Variants in GRAMD1B observed in about 807,000 individuals in gnomAD.
The protein encoded by GRAMD1B is protein Aster-B.
GRAMD1B carries 37 observed loss-of-function variants against 99.7 expected under a neutral mutation model. That is an observed-to-expected ratio of 0.37 (90% CI 0.29 to 0.49). The LOEUF is 0.49. GRAMD1B is among the 20% of genes least tolerant of loss of function. GRAMD1B has a pLI of 0.98. For synonymous variants in GRAMD1B, 427 were observed against 387.6 expected (o/e 1.10, Z -1.19); for missense variants, 888 against 1,009.2 (o/e 0.88, Z 1.63).
chr11:123,362,260 C>T (rs527687064), intron 1 of GRAMD1B, among the ~76,000 whole-genome samples: 1 of 152,208 alleles, frequency 6.6e-6, no homozygotes, highest in Non-Finnish European at 1.5e-5. Context: ...GTGTTGGTTT[C>T]ATCAGCCATT....
chr11:123,595,726 A>G (rs1951192733), intron 6 of GRAMD1B, among the ~76,000 whole-genome samples: 1 of 152,160 alleles, frequency 6.6e-6, no homozygotes, highest in South Asian at 2.1e-4. Context: ...GAATCAAGAT[A>G]CTCATGGCTG....
At chr11:123,445,922 C>T (rs1425088844) in intron 1 of GRAMD1B, among the ~76,000 whole-genome samples, 3 of 151,582 alleles carry the variant, frequency 2.0e-5, no homozygotes, top group Non-Finnish European at 4.4e-5. Flanking sequence ...GTTTTCAAGA[C>T]ATACTATTGG....
intron 1 of GRAMD1B, among the ~76,000 whole-genome samples, chr11:123,425,174 T>C (rs1948603374): frequency 6.6e-6 from 1 of 152,170 alleles, no homozygotes; most frequent in Non-Finnish European, 1.5e-5. Flanking sequence ...TGCTAGCAAG[T>C]GATGGAAACA....
intron 1 of GRAMD1B, among the ~76,000 whole-genome samples, chr11:123,397,013 T>C (rs1947487591): frequency 6.6e-6 from 1 of 151,970 alleles, no homozygotes. Context: ...GATTGATGAG[T>C]TTTGACAAAT....
chr11:123,568,346 A>G (rs1419153852), intron 2 of GRAMD1B, among the ~76,000 whole-genome samples: 1 of 152,228 alleles, frequency 6.6e-6, no homozygotes, highest in Non-Finnish European at 1.5e-5. Context: ...TCAGGCTTCC[A>G]TTTGTAAGGT....
chr11:123,533,039 G>A (rs547508554), intron 2 of GRAMD1B, among the ~76,000 whole-genome samples: 2 of 152,252 alleles, frequency 1.3e-5, no homozygotes, highest in South Asian at 2.1e-4. Context: ...GTGCGATCTC[G>A]GCTTATCACA....
At chr11:123,503,303 G>A (rs1940079226) in intron 2 of GRAMD1B, among the ~76,000 whole-genome samples, 1 of 152,166 alleles carries the variant, frequency 6.6e-6, no homozygotes, top group Admixed American at 6.5e-5. Context: ...GCTGCTGACT[G>A]GAAGTGGTGC....
chr11:123,565,319 A>G (rs952979833), intron 2 of GRAMD1B, among the ~76,000 whole-genome samples: 8 of 151,794 alleles, frequency 5.3e-5, no homozygotes, highest in Non-Finnish European at 1.2e-4. Context: ...GATTACAGGC[A>G]TGAGCCACTG....
chr11:123,503,253 T>C (rs1940073263), intron 2 of GRAMD1B, among the ~76,000 whole-genome samples: 1 of 152,174 alleles, frequency 6.6e-6, no homozygotes, highest in Non-Finnish European at 1.5e-5. Context: ...TTGAAGCACT[T>C]GAACAACTTT....
rs532091098 is a variant in GRAMD1B, at chr11:123,557,977, C to CTTTTT, written c.453-19370_453-19366dup. Among the ~76,000 whole-genome samples the CTTTTT allele has an allele frequency of 9.0e-4, 90 of 99,908 alleles. 2 individuals carry two copies. The highest frequency in any genetic ancestry group is 2.6e-3 in the African/African-American group (81 of 30,886). 65.5% of individuals were successfully genotyped at this position (99,908 alleles called of 152,430 possible). Reference sequence around the variant, plus strand: ...ATGGAGGAAAGGACATTCAGTGCAACTTTTTTTTTTTTTTTTTTTTTTTTA... The same window carrying CTTTTT: ...ATGGAGGAAAGGACATTCAGTGCAACTTTTTTTTTTTTTTTTTTTTTTTTTTTTTA... On this transcript the variant is annotated intron_variant, in intron 2 of 19. Transcript: ENST00000635736.
intron 6 of GRAMD1B, among the ~76,000 whole-genome samples, chr11:123,595,187 G>A (rs1352756247): frequency 6.6e-6 from 1 of 152,004 alleles, no homozygotes; most frequent in Non-Finnish European, 1.5e-5. Flanking sequence ...ACAATTTCTG[G>A]GTTCTGTAAC....
intron 1 of GRAMD1B, among the ~76,000 whole-genome samples, chr11:123,431,740 A>C (rs1948901886): frequency 6.6e-6 from 1 of 152,208 alleles, no homozygotes; most frequent in South Asian, 2.1e-4. Flanking sequence ...ATTTCCTACC[A>C]TATCAGAGTC....
intron 2 of GRAMD1B, among the ~76,000 whole-genome samples, chr11:123,519,850 G>A (rs1046287264): frequency 6.6e-6 from 1 of 152,246 alleles, no homozygotes; most frequent in Non-Finnish European, 1.5e-5. Flanking sequence ...CAGATGAGGA[G>A]GTGGGAGGCA....
intron 1 of GRAMD1B, among the ~76,000 whole-genome samples, chr11:123,436,019 T>G (rs964301906): frequency 6.9e-6 from 1 of 144,176 alleles, no homozygotes. Context: ...CTCGGCTCAC[T>G]GCAGCCTCTG....
intron 2 of GRAMD1B, chr11:123,560,389 A>G: frequency 8.5e-7 from 1 of 1,171,960 alleles, no homozygotes. Context: ...GAGGTGGGGG[A>G]GAGGGAAATA....
At chr11:123,385,813 G>T (rs1947035866) in intron 1 of GRAMD1B, among the ~76,000 whole-genome samples, 1 of 152,200 alleles carries the variant, frequency 6.6e-6, no homozygotes, top group African/African-American at 2.4e-5. Flanking sequence ...CATGGGATGA[G>T]TCCCATTGGT....
At chr11:123,502,682 C>T (rs1332007619) in intron 2 of GRAMD1B, among the ~76,000 whole-genome samples, 2 of 146,368 alleles carry the variant, frequency 1.4e-5, no homozygotes, top group African/African-American at 2.5e-5. Context: ...GGCTGAGGCA[C>T]GAGAATTGCT....
chr11:123,480,473 C>G (rs1325815176), intron 1 of GRAMD1B, among the ~76,000 whole-genome samples: 1 of 152,118 alleles, frequency 6.6e-6, no homozygotes, highest in Non-Finnish European at 1.5e-5. Flanking sequence ...GGATTATAAT[C>G]CCATCAGAGA....
chr11:123,614,551 A>T (rs188860152), intron 16 of GRAMD1B, among the ~76,000 whole-genome samples, 194 bp from the exon 17 acceptor site: 45 of 152,244 alleles, frequency 3.0e-4, no homozygotes, highest in African/African-American at 1.1e-3. Flanking sequence ...GACCTGACCC[A>T]ACCCATGACC....
Sources: allele counts gnomAD v4.1 joint callset (sites outside exome capture counted in the v4.1 genomes callset), GRCh38; gene constraint gnomAD v4.1.1; transcripts MANE v1.5; gene names NCBI Gene and HGNC (gene_info 2026-07-23, HGNC 2026-07-21).